Variants in EYS observed in about 807,000 individuals in gnomAD.
The protein encoded by EYS is EGF-like photoreceptor maintenance factor.
Under a neutral mutation model 282.1 loss-of-function variants are expected in EYS, and 250 were observed. That is an observed-to-expected ratio of 0.89 (90% CI 0.80 to 0.98). The LOEUF is 0.98. Ranked by LOEUF, EYS falls within the 50% of genes least tolerant of loss-of-function variation. The pLI is 0.00. For missense variants in EYS, 4,016 were observed against 3,709.0 expected, an observed-to-expected ratio of 1.08 and a Z score of -2.15; for synonymous variants, 1,355 against 1,282.9, an observed-to-expected ratio of 1.06 and a Z score of -1.20.
intron 2 of EYS, among the ~76,000 whole-genome samples, chr6:65,516,519 C>T (rs969347925): frequency 6.6e-6 from 1 of 151,980 alleles, no homozygotes. Context: ...GTTTATGTTT[C>T]AGGAGAAAAT....
intron 1 of EYS, among the ~76,000 whole-genome samples, chr6:65,668,221 C>T (rs1181868814): frequency 6.6e-6 from 1 of 151,858 alleles, no homozygotes; most frequent in Non-Finnish European, 1.5e-5. Context: ...TAGTAGAAAT[C>T]ACTGTTGTGA....
At chr6:65,351,906 A>G (rs1036006571) in intron 9 of EYS, among the ~76,000 whole-genome samples, 15 of 151,848 alleles carry the variant, frequency 9.9e-5, no homozygotes, top group Admixed American at 6.6e-4. Flanking sequence ...TTTAAAAACA[A>G]CTGAACTGAC....
chr6:64,334,726 A>C (rs181997713), intron 29 of EYS, among the ~76,000 whole-genome samples: 1 of 152,170 alleles, frequency 6.6e-6, no homozygotes, highest in Non-Finnish European at 1.5e-5. Flanking sequence ...TTCAGAAGGA[A>C]GAGTTTGTGG....
chr6:65,287,287 C>T (rs928675379), intron 12 of EYS, among the ~76,000 whole-genome samples: 7 of 151,458 alleles, frequency 4.6e-5, no homozygotes, highest in African/African-American at 1.7e-4. Context: ...ATGGGCTCAG[C>T]ATAAATGCTA....
chr6:65,192,678 G>T (rs1460563427), intron 12 of EYS, among the ~76,000 whole-genome samples: 1 of 151,626 alleles, frequency 6.6e-6, no homozygotes, highest in African/African-American at 2.4e-5. Flanking sequence ...CCATTATATT[G>T]GTGTTAAGAG....
At chr6:64,968,485 A>G (rs577485166) in intron 14 of EYS, among the ~76,000 whole-genome samples, 51 of 152,342 alleles carry the variant, frequency 3.3e-4, no homozygotes, top group African/African-American at 1.2e-3. Flanking sequence ...AAACCTTTGT[A>G]TATTCACTCA....
intron 22 of EYS, among the ~76,000 whole-genome samples, chr6:64,668,713 C>T (rs578195894): frequency 7.9e-5 from 12 of 151,590 alleles, no homozygotes; most frequent in South Asian, 2.1e-4. Context: ...TACAGGTACC[C>T]GCCACCACGC....
intron 5 of EYS, among the ~76,000 whole-genome samples, chr6:65,424,466 T>C (rs1027635883): frequency 1.3e-5 from 2 of 151,976 alleles, no homozygotes; most frequent in African/African-American, 4.8e-5. Context: ...TTCACGGCCA[T>C]TGAAACCTAT....
chr6:63,941,536 A>AT (rs1235065057), intron 35 of EYS, among the ~76,000 whole-genome samples: 3 of 151,626 alleles, frequency 2.0e-5, no homozygotes, highest in South Asian at 2.1e-4. Context: ...GGGTTGTTTG[A>AT]TTTTTTCTTG....
intron 22 of EYS, among the ~76,000 whole-genome samples, chr6:64,776,205 T>A (rs926091324): frequency 2.6e-5 from 4 of 152,126 alleles, no homozygotes; most frequent in Admixed American, 1.3e-4. Context: ...GCAAATCTTT[T>A]AAAAATTCAT....
chr6:64,392,615 C>T (rs1295129187), intron 28 of EYS, among the ~76,000 whole-genome samples: 10 of 151,248 alleles, frequency 6.6e-5, no homozygotes, highest in South Asian at 6.3e-4. Context: ...ATCTCTGGGA[C>T]GCATTCAAAG....
chr6:64,327,981 C>G (rs577214658), intron 29 of EYS, among the ~76,000 whole-genome samples: 20 of 152,198 alleles, frequency 1.3e-4, no homozygotes, highest in Middle Eastern at 3.4e-3. Context: ...CAGGCCATGC[C>G]CAAGCAATGC....
chr6:65,219,362 C>T (rs559269141), intron 12 of EYS, among the ~76,000 whole-genome samples: 1 of 152,008 alleles, frequency 6.6e-6, no homozygotes, highest in Admixed American at 6.5e-5. Flanking sequence ...ATTGGTAAAA[C>T]CATACAGAAT....
chr6:65,655,796 T>C (rs1344581242), intron 1 of EYS, among the ~76,000 whole-genome samples: 2 of 151,792 alleles, frequency 1.3e-5, no homozygotes, highest in African/African-American at 2.4e-5. Flanking sequence ...ACATGGTTTC[T>C]TGAGATGTAA....
chr6:64,089,570 G>A (rs1168959025), intron 31 of EYS, among the ~76,000 whole-genome samples: 1 of 150,752 alleles, frequency 6.6e-6, no homozygotes. Context: ...ATACATTTTT[G>A]CTTATTTTAG....
intron 8 of EYS, among the ~76,000 whole-genome samples, chr6:65,369,316 T>TATATATATTTATGTATAATATA (rs1554188450): frequency 1.2e-5 from 1 of 81,776 alleles, no homozygotes; most frequent in African/African-American, 3.6e-5. Flanking sequence ...AATATATATA[T>TATATATATTTATGTATAATATA]TATATATATA....
chr6:64,082,663 ATACT>A (rs1214838344), intron 31 of EYS, among the ~76,000 whole-genome samples: 16 of 152,232 alleles, frequency 1.1e-4, no homozygotes, highest in East Asian at 3.9e-4. Context: ...CTTTTCAATA[ATACT>A]TAGTTATTTT....
At chr6:64,430,481 A>G (rs1305469286) in intron 28 of EYS, among the ~76,000 whole-genome samples, 1 of 152,200 alleles carries the variant, frequency 6.6e-6, no homozygotes, top group Non-Finnish European at 1.5e-5. Context: ...ATATCAGTAC[A>G]TATTTTGTAA....
Position 65,005,332 on chromosome 6 carries a change from G to A in EYS, c.2138-7629C>T, listed in dbSNP as rs150642889. 2.3e-3 allele frequency among the ~76,000 whole-genome samples: 335 copies of A among 147,692 alleles called. 31 individuals are homozygous for A. The highest frequency in any genetic ancestry group is 3.5e-3 in the Non-Finnish European group (228 of 65,876). On this transcript the variant is annotated intron_variant, in intron 13 of 42. Coordinates refer to ENST00000503581, the MANE Select transcript of EYS (RefSeq NM_001142800.2). ...TCCACGGTTCTCTTCCATGACCCAC[G>A]GCTTCTAATAGAGCTATAACACTTA... is the stretch of plus-strand genomic sequence containing the variant.
Sources: gnomAD v4.1 joint callset for allele counts (sites outside exome capture counted in the v4.1 genomes callset) on GRCh38, gnomAD v4.1.1 for gene constraint, MANE v1.5 for transcripts, NCBI Gene and HGNC (gene_info 2026-07-23, HGNC 2026-07-21) for gene names.